Variants in CDH13 observed in about 807,000 individuals in gnomAD.
CDH13 encodes cadherin-13.
Under a neutral mutation model 63.8 loss-of-function variants are expected in CDH13, and 24 were observed. That is an observed-to-expected ratio of 0.38 (90% CI 0.27 to 0.53). The LOEUF is 0.53. Ranked by LOEUF, CDH13 falls within the 20% of genes least tolerant of loss-of-function variation. The probability of loss-of-function intolerance (pLI) is 0.85; values close to 1 mark genes in which losing one functional copy is unlikely to be tolerated. For synonymous variants in CDH13, 503 were observed against 355.3 expected (o/e 1.42, Z -4.67); for missense variants, 1,049 against 903.1 (o/e 1.16, Z -2.07).
At chr16:82,857,926 G>C (rs1273240144) in intron 1 of CDH13, among the ~76,000 whole-genome samples, 1 of 152,134 alleles carries the variant, frequency 6.6e-6, no homozygotes, top group Non-Finnish European at 1.5e-5. Context: ...ACAGGTCCTG[G>C]ATTCCTTTTA....
At chr16:82,914,969 A>C (rs2041941250) in intron 2 of CDH13, among the ~76,000 whole-genome samples, 1 of 152,162 alleles carries the variant, frequency 6.6e-6, no homozygotes, top group Non-Finnish European at 1.5e-5. Context: ...CCTCCTCCAC[A>C]CTTAACAGGG....
At chr16:83,402,321 T>C (rs185776566) in intron 6 of CDH13, among the ~76,000 whole-genome samples, 1 of 152,268 alleles carries the variant, frequency 6.6e-6, no homozygotes, top group East Asian at 1.9e-4. Flanking sequence ...TCACCAATTA[T>C]TGGCAAGATT....
intron 8 of CDH13, among the ~76,000 whole-genome samples, chr16:83,645,071 A>G (rs1911665366): frequency 6.6e-6 from 1 of 152,188 alleles, no homozygotes; most frequent in Admixed American, 6.5e-5. Flanking sequence ...ACCCTGAGCT[A>G]CATTATATTA....
At chr16:83,155,541 C>G (rs1356641799) in intron 4 of CDH13, among the ~76,000 whole-genome samples, 1 of 152,156 alleles carries the variant, frequency 6.6e-6, no homozygotes, top group Non-Finnish European at 1.5e-5. Context: ...CAGCTCTCCT[C>G]CTGCTCTTTC....
At chr16:83,303,238 G>A (rs1459618215) in intron 5 of CDH13, among the ~76,000 whole-genome samples, 3 of 152,220 alleles carry the variant, frequency 2.0e-5, no homozygotes, top group East Asian at 1.9e-4. Flanking sequence ...AAGAACTAAT[G>A]TTAGGAAGAT....
chr16:83,660,860 A>G (rs1441458817), intron 8 of CDH13, among the ~76,000 whole-genome samples: 1 of 152,196 alleles, frequency 6.6e-6, no homozygotes, highest in African/African-American at 2.4e-5. Flanking sequence ...CATTTTTTAA[A>G]GAGAGAAACT....
intron 1 of CDH13, among the ~76,000 whole-genome samples, chr16:82,764,889 A>G (rs2034994185): frequency 2.0e-5 from 3 of 149,066 alleles, no homozygotes. Flanking sequence ...ATCTTGGCTC[A>G]CTGAAACCTC....
intron 8 of CDH13, among the ~76,000 whole-genome samples, chr16:83,651,682 G>A (rs1912394861): frequency 7.6e-6 from 1 of 130,818 alleles, no homozygotes; most frequent in Middle Eastern, 6.0e-3. Flanking sequence ...TACAACCTCT[G>A]CCTCCCAGGT....
chr16:83,143,477 C>T (rs914948496), intron 4 of CDH13, among the ~76,000 whole-genome samples: 5 of 152,106 alleles, frequency 3.3e-5, no homozygotes, highest in Non-Finnish European at 5.9e-5. Flanking sequence ...AAAATAGTTT[C>T]TTGTAGATAA....
intron 8 of CDH13, among the ~76,000 whole-genome samples, chr16:83,604,110 G>A (rs1240153922): frequency 6.6e-6 from 1 of 152,062 alleles, no homozygotes; most frequent in Non-Finnish European, 1.5e-5. Context: ...GATTTGGGTG[G>A]GGATGCAGAA....
chr16:83,482,568 G>A (rs1173210194), intron 6 of CDH13, among the ~76,000 whole-genome samples: 1 of 152,224 alleles, frequency 6.6e-6, no homozygotes, highest in African/African-American at 2.4e-5. Context: ...TGCTGGTTTA[G>A]GAGGTTTATC....
intron 6 of CDH13, among the ~76,000 whole-genome samples, chr16:83,370,318 G>A (rs2091341558): frequency 6.6e-6 from 1 of 151,448 alleles, no homozygotes; most frequent in Non-Finnish European, 1.5e-5. Context: ...AACCCGGGAG[G>A]TGGAGCTTGC....
intron 6 of CDH13, among the ~76,000 whole-genome samples, chr16:83,393,393 A>T (rs1001766305): frequency 5.9e-5 from 9 of 152,202 alleles, no homozygotes; most frequent in African/African-American, 1.9e-4. Flanking sequence ...TGACTGGCTC[A>T]GGAGAGAGCT....
At chr16:83,140,165 A>T (rs773003723) in intron 4 of CDH13, among the ~76,000 whole-genome samples, 1 of 152,198 alleles carries the variant, frequency 6.6e-6, no homozygotes, top group African/African-American at 2.4e-5. Flanking sequence ...GACACCTAAC[A>T]GTTAACATTC....
rs187604294 is a variant in CDH13, at chr16:83,533,694, C to T, written c.960+47039C>T. 5.0e-3 allele frequency among the ~76,000 whole-genome samples: 727 copies of T among 146,548 alleles called. 9 individuals carry two copies. Among genetic ancestry groups the T allele is most frequent in the African/African-American group, 0.018 (704 of 39,360 alleles). ...GGAGTGCAGTGGCACGATCTCAGCT[C>T]ACTGCAACCTCCACCTCCTGGGTTC... is the stretch of plus-strand genomic sequence containing the variant. On this transcript the variant is annotated intron_variant, in intron 7 of 13. Coordinates refer to ENST00000567109, the MANE Select transcript of CDH13 (RefSeq NM_001257.5).
intron 1 of CDH13, among the ~76,000 whole-genome samples, chr16:82,731,619 T>C (rs771395798): frequency 6.6e-6 from 1 of 152,338 alleles, no homozygotes; most frequent in South Asian, 2.1e-4. Flanking sequence ...TAAATGGAAA[T>C]GGCAATCAAC....
At chr16:83,089,901 G>C (rs2033810152) in intron 3 of CDH13, among the ~76,000 whole-genome samples, 1 of 152,122 alleles carries the variant, frequency 6.6e-6, no homozygotes, top group Non-Finnish European at 1.5e-5. Flanking sequence ...CTAGGACTCA[G>C]CATTTATAAC....
intron 1 of CDH13, among the ~76,000 whole-genome samples, chr16:82,731,306 T>A (rs2033390954): frequency 6.6e-6 from 1 of 152,208 alleles, no homozygotes; most frequent in South Asian, 2.1e-4. Flanking sequence ...CATATATAAA[T>A]AAATGAGTAT....
intron 6 of CDH13, among the ~76,000 whole-genome samples, chr16:83,361,440 C>T (rs1049512609): frequency 3.3e-5 from 5 of 152,084 alleles, no homozygotes; most frequent in African/African-American, 9.7e-5. Flanking sequence ...TTAATTAAAT[C>T]CCACTTGTCA....
Sources: gnomAD v4.1 joint callset for allele counts (sites outside exome capture counted in the v4.1 genomes callset) on GRCh38, gnomAD v4.1.1 for gene constraint, MANE v1.5 for transcripts, NCBI Gene and HGNC (gene_info 2026-07-23, HGNC 2026-07-21) for gene names.